Variants in ERC1 observed in about 807,000 individuals in gnomAD.
ERC1 encodes the protein ELKS/RAB6-interacting/CAST family member 1.
ERC1 carries 56 observed loss-of-function variants against 132.0 expected under a neutral mutation model. That is an observed-to-expected ratio of 0.42 (90% CI 0.34 to 0.53). The LOEUF (loss-of-function observed/expected upper bound fraction) is 0.53. Among genes scored for constraint, ERC1 ranks in the 20% least tolerant of loss-of-function variants. The probability of loss-of-function intolerance (pLI) is 0.03; values close to 1 mark genes in which losing one functional copy is unlikely to be tolerated. For synonymous variants in ERC1, 478 were observed against 476.1 expected, an observed-to-expected ratio of 1.00 and a Z score of -0.05; for missense variants, 1,202 against 1,349.9, an observed-to-expected ratio of 0.89 and a Z score of 1.72.
chr12:1,267,579 C>T lies in ERC1; in HGVS notation c.2619+4414C>T, dbSNP rs1457869793. Among the ~76,000 whole-genome samples, 5 of 152,120 alleles carry T rather than the reference C, an allele frequency of 3.3e-5. No individual in the cohort carries two copies. In the South Asian group the frequency reaches 6.2e-4, roughly 19 times the overall value. ...TTAGAGACCAACCTGTACGACAATG[C>T]GAGGCCTCGTCTCTACAAGAAAATA... On this transcript the variant is annotated intron_variant, in intron 14 of 18. Coordinates refer to ENST00000360905, the MANE Select transcript of ERC1 (RefSeq NM_178040.4).
chr12:1,146,277 T>G (rs1950331750), intron 8 of ERC1, among the ~76,000 whole-genome samples: 1 of 150,430 alleles, frequency 6.6e-6, no homozygotes, highest in Non-Finnish European at 1.5e-5. Flanking sequence ...CTTGTAGAGG[T>G]CTTTCATTTC....
chr12:1,320,292 A>G (rs934079659), intron 15 of ERC1, among the ~76,000 whole-genome samples: 2 of 152,216 alleles, frequency 1.3e-5, no homozygotes, highest in East Asian at 3.8e-4. Flanking sequence ...AAGCACTCTT[A>G]TAAAAGGCTC....
intron 7 of ERC1, among the ~76,000 whole-genome samples, chr12:1,138,520 A>G (rs908452074): frequency 2.0e-5 from 3 of 151,424 alleles, no homozygotes; most frequent in South Asian, 4.2e-4. Flanking sequence ...GATGAGGGAG[A>G]TAGTATTTGT....
At chr12:1,260,804 C>T (rs1360103623) in intron 13 of ERC1, among the ~76,000 whole-genome samples, 1 of 152,208 alleles carries the variant, frequency 6.6e-6, no homozygotes, top group Non-Finnish European at 1.5e-5. Context: ...CTTAGCTTTA[C>T]ATCGAAATGT....
intron 15 of ERC1, among the ~76,000 whole-genome samples, chr12:1,320,491 C>T (rs2154353680): frequency 6.6e-6 from 1 of 152,290 alleles, no homozygotes; most frequent in African/African-American, 2.4e-5. Context: ...ATTAGTCCTC[C>T]ATTAATGAAC....
At chr12:1,244,492 T>G (rs1252734679) in intron 13 of ERC1, 2 of 430,304 alleles carry the variant, frequency 4.6e-6, no homozygotes, top group Admixed American at 2.5e-5. Context: ...TGTTTTGTAC[T>G]TAATGGTTTG....
intron 12 of ERC1, among the ~76,000 whole-genome samples, chr12:1,235,458 A>G (rs1208021937): frequency 6.6e-6 from 1 of 152,258 alleles, no homozygotes; most frequent in African/African-American, 2.4e-5. Flanking sequence ...AAGTATTATT[A>G]TCTATAATGT....
chr12:1,376,873 T>G (rs2087988279), intron 16 of ERC1, among the ~76,000 whole-genome samples: 1 of 152,310 alleles, frequency 6.6e-6, no homozygotes, highest in African/African-American at 2.4e-5. Context: ...ACGGTGCGAT[T>G]TGTTTCCCTT....
chr12:1,280,193 A>G (rs2078583039), intron 14 of ERC1, among the ~76,000 whole-genome samples: 1 of 152,212 alleles, frequency 6.6e-6, no homozygotes. Flanking sequence ...AGAAGCAGTC[A>G]TCCAAGATAC....
chr12:1,303,693 C>A (rs534367106), intron 15 of ERC1, among the ~76,000 whole-genome samples: 1 of 151,674 alleles, frequency 6.6e-6, no homozygotes, highest in African/African-American at 2.4e-5. Context: ...TGGTGGCTCA[C>A]GTCTGTAATC....
chr12:1,100,472 A>G (rs966072598), intron 3 of ERC1, among the ~76,000 whole-genome samples: 8 of 152,194 alleles, frequency 5.3e-5, no homozygotes, highest in Admixed American at 6.5e-5. Flanking sequence ...TCTATTGTGA[A>G]TGGTGAGATA....
At chr12:1,410,744 G>C (rs2091797628) in intron 17 of ERC1, among the ~76,000 whole-genome samples, 1 of 150,678 alleles carries the variant, frequency 6.6e-6, no homozygotes, top group South Asian at 2.1e-4. Context: ...AATTTCTCCA[G>C]TTGTGATTTT....
intron 2 of ERC1, among the ~76,000 whole-genome samples, chr12:1,041,725 C>T (rs1002572735): frequency 6.6e-6 from 1 of 152,192 alleles, no homozygotes; most frequent in African/African-American, 2.4e-5. Flanking sequence ...TAGGAAGTTA[C>T]ACTGTTCTTT....
At position 1,491,067 on chromosome 12, in the gene ERC1, A is replaced by G; in HGVS notation, c.*837A>G. 1 of 232,832 alleles carries G rather than the reference A, an allele frequency of 4.3e-6. No individual in the cohort carries two copies. Among genetic ancestry groups the G allele is most frequent in the Non-Finnish European group, 8.5e-6 (1 of 117,780 alleles). 14.4% of individuals were successfully genotyped at this position (232,832 alleles called of 1,614,324 possible). A position where few individuals can be genotyped will look rare whatever the true frequency, so the allele number is the denominator to read the frequency against. ...GCACCAGCCAGGGCAACATAGCGTGACCCTGTCTCTACAAAAAATTAAAAA... is the reference window on the plus strand; with the variant it reads ...GCACCAGCCAGGGCAACATAGCGTGGCCCTGTCTCTACAAAAAATTAAAAA... On this transcript the variant is annotated 3_prime_UTR_variant, in exon 19 of 19. Transcript: ENST00000360905.
chr12:1,383,458 T>A (rs556106898), intron 16 of ERC1, among the ~76,000 whole-genome samples: 14 of 152,316 alleles, frequency 9.2e-5, no homozygotes, highest in African/African-American at 3.1e-4. Flanking sequence ...TGAACTAATG[T>A]AGATACTCAT....
At chr12:1,420,524 C>G (rs1378851221) in intron 17 of ERC1, among the ~76,000 whole-genome samples, 2 of 152,128 alleles carry the variant, frequency 1.3e-5, no homozygotes, top group Admixed American at 6.5e-5. Flanking sequence ...GGCACAATCT[C>G]GGCTCGCTAC....
chr12:1,248,883 T>C (rs954202677), intron 13 of ERC1, among the ~76,000 whole-genome samples: 2 of 152,116 alleles, frequency 1.3e-5, no homozygotes, highest in Non-Finnish European at 2.9e-5. Flanking sequence ...TTTTTATTTA[T>C]ATTTAAAAAA....
chr12:1,164,581 C>A (rs1952212365), intron 8 of ERC1, among the ~76,000 whole-genome samples: 1 of 152,054 alleles, frequency 6.6e-6, no homozygotes, highest in East Asian at 1.9e-4. Flanking sequence ...ACCTCGTGAT[C>A]CGCCCACCTC....
chr12:1,289,340 G>A (rs1403005522), intron 14 of ERC1, among the ~76,000 whole-genome samples: 1 of 151,662 alleles, frequency 6.6e-6, no homozygotes, highest in South Asian at 2.1e-4. Context: ...TTGTCTGATT[G>A]AATTCTAGCA....
Sources: gnomAD v4.1 joint callset for allele counts (sites outside exome capture counted in the v4.1 genomes callset) on GRCh38, gnomAD v4.1.1 for gene constraint, MANE v1.5 for transcripts, NCBI Gene and HGNC (gene_info 2026-07-23, HGNC 2026-07-21) for gene names.